Variants in TNIK observed in about 807,000 individuals in gnomAD.
TNIK encodes TRAF2 and NCK interacting kinase, also known as TRAF2 and NCK-interacting protein kinase.
TNIK carries 49 observed loss-of-function variants against 191.3 expected under a neutral mutation model. That is an observed-to-expected ratio of 0.26 (90% confidence interval 0.20 to 0.32). The LOEUF is 0.32. Ranked by LOEUF, TNIK falls within the 10% of genes least tolerant of loss-of-function variation. The pLI is 1.00. For synonymous variants in TNIK, 594 were observed against 600.9 expected, an observed-to-expected ratio of 0.99 and a Z score of 0.17; for missense variants, 1,155 against 1,702.3, an observed-to-expected ratio of 0.68 and a Z score of 5.66.
At chr3:171,324,340 C>G (rs1037727052) in intron 2 of TNIK, among the ~76,000 whole-genome samples, 5 of 152,090 alleles carry the variant, frequency 3.3e-5, no homozygotes, top group African/African-American at 1.2e-4. Context: ...TCCTTGGTAT[C>G]CGATGTTCCT....
chr3:171,109,219 T>TG (rs898614971), intron 19 of TNIK, among the ~76,000 whole-genome samples: 83 of 152,356 alleles, frequency 5.4e-4, no homozygotes, highest in African/African-American at 2.0e-3. Context: ...TGGAGCGCAG[T>TG]GGGGCCATCA....
At chr3:171,292,380 A>G (rs1338843882) in intron 2 of TNIK, among the ~76,000 whole-genome samples, 2 of 152,212 alleles carry the variant, frequency 1.3e-5, no homozygotes, top group Non-Finnish European at 2.9e-5. Context: ...ACAAGCAATT[A>G]GTTTTGTTAA....
intron 2 of TNIK, among the ~76,000 whole-genome samples, chr3:171,324,604 A>G (rs925209719): frequency 6.6e-6 from 1 of 152,142 alleles, no homozygotes; most frequent in African/African-American, 2.4e-5. Flanking sequence ...CCTTACCTAC[A>G]CAAAGAACTC....
rs117821305 is a variant in TNIK at position 171,224,477 on chromosome 3, A to C, written c.180+3688T>G. Among the ~76,000 whole-genome samples, 73 of 152,046 alleles carry C rather than the reference A, an allele frequency of 4.8e-4. No individual in the cohort carries two copies. The East Asian group carries it at 0.013, about 26-fold the overall frequency. On this transcript the variant is annotated intron_variant, in intron 3 of 32. Coordinates refer to ENST00000436636, the MANE Select transcript of TNIK (RefSeq NM_015028.4). ...TATTTACAGGGTTATCAAAAAAAAA[A>C]CCCCACAAAAAACCATAGCTCCTTC...
intron 1 of TNIK, among the ~76,000 whole-genome samples, chr3:171,418,785 A>ATAATAAACTAC (rs1457636465): frequency 2.0e-5 from 3 of 152,224 alleles, no homozygotes; most frequent in African/African-American, 7.2e-5. Context: ...GCCATAAAAA[A>ATAATAAACTAC]TAATAAACTA....
At chr3:171,147,916 T>C (rs1483328848) in intron 12 of TNIK, among the ~76,000 whole-genome samples, 2 of 152,184 alleles carry the variant, frequency 1.3e-5, no homozygotes, top group Non-Finnish European at 1.5e-5. Context: ...AGATACTGTC[T>C]AATGCTTTTT....
At chr3:171,171,899 G>C (rs1735336939) in intron 9 of TNIK, among the ~76,000 whole-genome samples, 1 of 152,144 alleles carries the variant, frequency 6.6e-6, no homozygotes, top group Admixed American at 6.5e-5. Flanking sequence ...GGTTTCCTCT[G>C]ATTCCACAAA....
chr3:171,341,892 C>A (rs1018694736), intron 2 of TNIK, among the ~76,000 whole-genome samples: 4 of 152,096 alleles, frequency 2.6e-5, no homozygotes, highest in Non-Finnish European at 5.9e-5. Context: ...TAGAAGTTTG[C>A]AAAAATGGAC....
At chr3:171,396,111 C>T (rs956282290) in intron 1 of TNIK, among the ~76,000 whole-genome samples, 4 of 151,632 alleles carry the variant, frequency 2.6e-5, no homozygotes, top group Non-Finnish European at 4.4e-5. Context: ...CCCTCATCCT[C>T]CCACCCACTG....
At chr3:171,422,275 A>G (rs978450376) in intron 1 of TNIK, among the ~76,000 whole-genome samples, 4 of 152,030 alleles carry the variant, frequency 2.6e-5, no homozygotes, top group African/African-American at 7.2e-5. Context: ...AGTAAAATAT[A>G]ATATATATTA....
rs146824104 is a variant in TNIK, at chr3:171,432,792, C to A, written c.57+27215G>T. Reference sequence around the variant, plus strand: ...AATCTATTCCAAGTATACATTCCAGCTAAGTGAATAAAAACTCAAAATAAA... The same window carrying A: ...AATCTATTCCAAGTATACATTCCAGATAAGTGAATAAAAACTCAAAATAAA... On this transcript the variant is annotated intron_variant, in intron 1 of 32. Transcript: ENST00000436636. Among the ~76,000 whole-genome samples the A allele has an allele frequency of 4.1e-3, 631 of 152,150 alleles. 4 individuals carry two copies. Among genetic ancestry groups the A allele is most frequent in the African/African-American group, 0.015 (602 of 41,498 alleles).
chr3:171,357,012 A>C (rs1414088970), intron 2 of TNIK, among the ~76,000 whole-genome samples: 1 of 152,218 alleles, frequency 6.6e-6, no homozygotes, highest in African/African-American at 2.4e-5. Flanking sequence ...TTAAAAGTTC[A>C]GATGAGCTGT....
intron 2 of TNIK, among the ~76,000 whole-genome samples, chr3:171,280,174 G>A (rs567915653): frequency 6.6e-6 from 1 of 152,280 alleles, no homozygotes; most frequent in African/African-American, 2.4e-5. Context: ...CAGTCAATCT[G>A]CCACATCCTT....
intron 1 of TNIK, among the ~76,000 whole-genome samples, chr3:171,421,724 A>ATTTTTTTTTT (rs67895255): frequency 3.3e-5 from 3 of 91,356 alleles, no homozygotes; most frequent in African/African-American, 1.0e-4. Context: ...TAGTTGTGTA[A>ATTTTTTTTTT]TTTTTTTTTT....
intron 2 of TNIK, among the ~76,000 whole-genome samples, chr3:171,327,469 T>C (rs1354607378): frequency 6.6e-6 from 1 of 152,206 alleles, no homozygotes; most frequent in Non-Finnish European, 1.5e-5. Context: ...TGGACAGTGC[T>C]ATGCCTGGCC....
At chr3:171,241,136 T>G (rs1744933330) in intron 2 of TNIK, among the ~76,000 whole-genome samples, 1 of 151,940 alleles carries the variant, frequency 6.6e-6, no homozygotes, top group African/African-American at 2.4e-5. Flanking sequence ...TTTCAAGAGA[T>G]TCTCCTGCCT....
At chr3:171,246,802 G>C (rs1049333932) in intron 2 of TNIK, among the ~76,000 whole-genome samples, 5 of 152,182 alleles carry the variant, frequency 3.3e-5, no homozygotes, top group African/African-American at 1.2e-4. Flanking sequence ...AGGTTTGCAG[G>C]AGGCTGGCCG....
intron 15 of TNIK, among the ~76,000 whole-genome samples, chr3:171,134,499 C>T (rs1371837366): frequency 6.6e-6 from 1 of 152,148 alleles, no homozygotes; most frequent in Non-Finnish European, 1.5e-5. Context: ...CCAGGCTGGT[C>T]TCTAACTACT....
intron 1 of TNIK, among the ~76,000 whole-genome samples, chr3:171,403,696 T>C (rs1307298548): frequency 6.7e-6 from 1 of 149,120 alleles, no homozygotes; most frequent in Non-Finnish European, 1.5e-5. Flanking sequence ...AATGGAAGCA[T>C]AAGAAACTAA....
Sources: gnomAD v4.1 joint callset for allele counts (sites outside exome capture counted in the v4.1 genomes callset) on GRCh38, gnomAD v4.1.1 for gene constraint, MANE v1.5 for transcripts, NCBI Gene and HGNC (gene_info 2026-07-23, HGNC 2026-07-21) for gene names.